The following BTBD17 variants were observed in gnomAD, a reference collection of about 807,000 sequenced individuals.
The protein encoded by BTBD17 is BTB domain containing 17, also known as BTB/POZ domain-containing protein 17.
In BTBD17, 26 loss-of-function variants were observed where a neutral mutation model predicts 36.9. That is an observed-to-expected ratio of 0.70 (90% confidence interval 0.52 to 0.98). The LOEUF is 0.98. BTBD17 is among the 50% of genes least tolerant of loss of function. The probability of loss-of-function intolerance (pLI) is 0.00; values close to 1 mark genes in which losing one functional copy is unlikely to be tolerated. For missense variants in BTBD17, 630 were observed against 691.3 expected (o/e 0.91, Z 0.99); for synonymous variants, 341 against 338.0 (o/e 1.01, Z -0.10).
intron 2 of BTBD17, among the ~76,000 whole-genome samples, chr17:74,359,039 A>G (rs1380339528): frequency 6.6e-6 from 1 of 152,124 alleles, no homozygotes; most frequent in East Asian, 1.9e-4. Flanking sequence ...TTCTGCAGGC[A>G]TCTCGTCTGA....
At chr17:74,359,580 G>T (rs773791439) in intron 2 of BTBD17, among the ~76,000 whole-genome samples, 20 of 152,050 alleles carry the variant, frequency 1.3e-4, no homozygotes, top group Non-Finnish European at 4.4e-5. Flanking sequence ...GTAGAGACAG[G>T]GTTTCACCAT....
upstream of BTBD17, chr17:74,361,944 T>C: frequency 1.4e-6 from 1 of 706,024 alleles, no homozygotes; most frequent in Non-Finnish European, 2.3e-6. Context: ...TTGGCCTCCC[T>C]CCCCCACTCA....
chr17:74,356,829 C>A lies in BTBD17; in HGVS notation c.1265G>T (p.Arg422Leu). The A allele has an allele frequency of 6.4e-7, 1 of 1,573,196 alleles. No homozygotes were observed. The highest frequency in any genetic ancestry group is 8.6e-7 in the Non-Finnish European group (1 of 1,165,288). The change falls in exon 3 of 3, where the codon CGC (arginine) becomes CTC (leucine). Residue 422 changes from arginine to leucine, a missense_variant. Physicochemically the swap from Arg to Leu is moderately radical, Grantham distance 102. Transcript: ENST00000375366. This position sits in a 1 kb window ranked among gnomAD's most constrained non-coding sequence, Gnocchi z 4.3. ...GCTGTAGGCGTGGCGGACCAGCAGG[C>A]GGCCCTGCTGGCGCGCCCCCACCAG... Reference protein sequence around the residue: ...TVLVGARQQGRLLVRHAYSFH... With the variant: ...TVLVGARQQGLLLVRHAYSFH...
At chr17:74,360,957 G>A (rs751585242) in intron 1 of BTBD17, among the ~76,000 whole-genome samples, 10 of 152,188 alleles carry the variant, frequency 6.6e-5, no homozygotes, top group Non-Finnish European at 1.0e-4. Context: ...AGAGAGGGGC[G>A]GGTGTGAGAC....
upstream of BTBD17, among the ~76,000 whole-genome samples, chr17:74,363,255 G>A (rs1232250138): frequency 2.0e-5 from 3 of 152,182 alleles, no homozygotes; most frequent in Non-Finnish European, 4.4e-5. Flanking sequence ...GAGCCGCAGA[G>A]AGAGCAAGAA....
chr17:74,357,595 C>G lies in BTBD17; in HGVS notation c.499G>C (p.Gly167Arg). 6.5e-7 allele frequency: 1 copy of G among 1,548,894 alleles called. No individual in the cohort carries two copies. Among genetic ancestry groups the G allele is most frequent in the Non-Finnish European group, 8.7e-7 (1 of 1,152,634 alleles). ...TAGTGGTACCAGCCCACCGCCGGGC[C>G]CGCGCCTCCCGCCAGGTGCGCGCGC... is the stretch of plus-strand genomic sequence containing the variant. The part of the protein sequence containing the change: ...YMRAHLAGGA[G>R]PAVGWYHYAV... Residue 167 changes from glycine to arginine, a missense_variant, in exon 3 of 3, where the codon GGC (glycine) becomes CGC (arginine). Transcript: ENST00000375366. The surrounding 1 kb of genome is among the most constrained non-coding windows in gnomAD (Gnocchi z 8.4).
rs757152263 is a variant in BTBD17 at position 74,361,842 on chromosome 17, C to T, written c.-23G>A. On this transcript the variant is annotated 5_prime_UTR_variant, in exon 1 of 3. Transcript: ENST00000375366. ...CATCTTTATGCTCAGCCCCCAAGTC[C>T]ACTGGAGGGACGGTGAAGCCCAGAC... 8.1e-6 allele frequency: 13 copies of T among 1,601,894 alleles called. No individual in the cohort carries two copies. The South Asian group carries it at 1.2e-4, about 15-fold the overall frequency.
chr17:74,357,776 AC>A lies in BTBD17; in HGVS notation c.363-46del. 6.9e-7 allele frequency: 1 copy of A among 1,450,856 alleles called. No homozygotes were observed. Among genetic ancestry groups the A allele is most frequent in the Non-Finnish European group, 9.2e-7 (1 of 1,085,304 alleles). 89.9% of individuals were successfully genotyped at this position (1,450,856 alleles called of 1,614,324 possible). On this transcript the variant is annotated intron_variant, in intron 2 of 2. Transcript: ENST00000375366. The surrounding 1 kb of genome is among the most constrained non-coding windows in gnomAD (Gnocchi z 8.4). Reference sequence around the variant, plus strand: ...GTGGGGCGGGGTCAGGGCGGTACCCACCTCCCAGGATAGATTTTTTAGAGTC... The same window carrying A: ...GTGGGGCGGGGTCAGGGCGGTACCCACTCCCAGGATAGATTTTTTAGAGTC...
In BTBD17 at chr17:74,357,552, T is replaced by G; in HGVS notation, c.542A>C (p.Asp181Ala). ...GWYHYAVGTG[D>A]EALRESCLQF... ...CAGGCAGCTCTCGCGCAGGGCCTCG[T>G]CCCCGGTGCCCACCGCGTAGTGGTA... Residue 181 changes from aspartate to alanine, a missense_variant, in exon 3 of 3, where the codon GAC (aspartate) becomes GCC (alanine). Transcript: ENST00000375366. The surrounding 1 kb of genome is among the most constrained non-coding windows in gnomAD (Gnocchi z 8.4). The G allele has an allele frequency of 6.4e-7, 1 of 1,554,042 alleles. No individual in the cohort carries two copies. Among genetic ancestry groups the G allele is most frequent in the Non-Finnish European group, 8.6e-7 (1 of 1,156,966 alleles).
chr17:74,362,361 G>C (rs2054946098), upstream of BTBD17, among the ~76,000 whole-genome samples: 1 of 152,204 alleles, frequency 6.6e-6, no homozygotes, highest in Admixed American at 6.5e-5. Flanking sequence ...TCCCATTTTG[G>C]GGTGGGGCAG....
In BTBD17 at chr17:74,360,097, C is replaced by G. The variant is rs137958417; in HGVS notation, c.234G>C (p.Arg78=). 81 of 1,613,172 alleles carry G rather than the reference C, an allele frequency of 5.0e-5. No homozygotes were observed. The highest frequency in any genetic ancestry group is 5.6e-5 in the Non-Finnish European group (66 of 1,180,012). Residue 78 remains arginine (R), a synonymous_variant, in exon 2 of 3, where the codon CGG becomes CGC. Coordinates refer to ENST00000375366, the MANE Select transcript of BTBD17 (RefSeq NM_001080466.2). ...RVQAAGTDEV[R]VFHAHRLLLG... ...GCAGCAGGCGGTGGGCGTGGAATAC[C>G]CGGACCTCATCGGTGCCCGCAGCCT...
chr17:74,360,126 C>A lies in BTBD17; in HGVS notation c.205G>T (p.Val69Leu). Residue 69 changes from valine to leucine, a missense_variant, in exon 2 of 3, where the codon GTG becomes TTG. Transcript: ENST00000375366. Reference protein sequence around the residue: ...QGNASDVVLRVQAAGTDEVRV... With the variant: ...QGNASDVVLRLQAAGTDEVRV... ...ACCTCATCGGTGCCCGCAGCCTGCA[C>A]CCGCAGAACCACATCGCTGGCGTTG... The A allele has an allele frequency of 6.2e-7, 1 of 1,613,122 alleles. No homozygotes were observed. Among genetic ancestry groups the A allele is most frequent in the Non-Finnish European group, 8.5e-7 (1 of 1,179,970 alleles).
At chr17:74,361,895 A>G (rs965764678), upstream of BTBD17, 26 of 1,239,624 alleles carry the variant, frequency 2.1e-5, no homozygotes, top group African/African-American at 9.0e-5. Context: ...TCTTCCTTAT[A>G]TAGGATCCGG....
Position 74,356,453 on chromosome 17 carries a change from A to G in BTBD17, c.*204T>C. On this transcript the variant is annotated 3_prime_UTR_variant, in exon 3 of 3. Coordinates refer to ENST00000375366, the MANE Select transcript of BTBD17 (RefSeq NM_001080466.2). This position sits in a 1 kb window ranked among gnomAD's most constrained non-coding sequence, Gnocchi z 4.3. ...AGCATCGGTTTATTCAGGACCAAGA[A>G]CGTTCCTTCAAGTCAGCTGTGAAAT... The G allele has an allele frequency of 1.2e-6, 1 of 809,064 alleles. No individual in the cohort carries two copies. The highest frequency in any genetic ancestry group is 1.7e-6 in the Non-Finnish European group (1 of 592,338). 50.1% of individuals were successfully genotyped at this position (809,064 alleles called of 1,614,324 possible).
intron 1 of BTBD17, among the ~76,000 whole-genome samples, chr17:74,360,496 T>C (rs771662605): frequency 6.6e-6 from 1 of 151,960 alleles, no homozygotes; most frequent in Non-Finnish European, 1.5e-5. Flanking sequence ...TGGAAGGGGG[T>C]GCATTCAGGC....
intron 1 of BTBD17, among the ~76,000 whole-genome samples, chr17:74,360,702 C>A (rs2144326064): frequency 6.6e-6 from 1 of 152,348 alleles, no homozygotes; most frequent in Non-Finnish European, 1.5e-5. Context: ...TTACTATATG[C>A]TAGACATTCT....
chr17:74,361,904 G>C (rs538868832), upstream of BTBD17: 7 of 1,112,984 alleles, frequency 6.3e-6, no homozygotes, highest in South Asian at 8.8e-5. Flanking sequence ...TATAGGATCC[G>C]GCACAAGGGG....
At chr17:74,358,429 G>C (rs193188381) in intron 2 of BTBD17, among the ~76,000 whole-genome samples, 84 of 149,690 alleles carry the variant, frequency 5.6e-4, no homozygotes, top group Non-Finnish European at 9.5e-4. Context: ...CAGCCTAGGA[G>C]TTCAAGGCTG....
chr17:74,361,979 C>T (rs185291099), upstream of BTBD17: 31 of 596,664 alleles, frequency 5.2e-5, no homozygotes, highest in East Asian at 9.0e-4. Flanking sequence ...TTGGTGGAAA[C>T]TGGCCCCAGC....
Sources: allele counts gnomAD v4.1 joint callset (sites outside exome capture counted in the v4.1 genomes callset), GRCh38; gene constraint gnomAD v4.1.1; non-coding constraint Gnocchi (gnomAD v3.1); transcripts MANE v1.5; gene names NCBI Gene and HGNC (gene_info 2026-07-23, HGNC 2026-07-21).